The following KSR1 variants were observed in gnomAD, a reference collection of about 807,000 sequenced individuals.
KSR1 encodes the protein kinase suppressor of ras.
Under a neutral mutation model 92.9 loss-of-function variants are expected in KSR1, and 35 were observed. That is an observed-to-expected ratio of 0.38 (90% CI 0.29 to 0.50). The LOEUF (loss-of-function observed/expected upper bound fraction) is 0.50. Among genes scored for constraint, KSR1 ranks in the 20% least tolerant of loss-of-function variants. KSR1 has a pLI of 0.94. For missense variants in KSR1, 972 were observed against 1,158.5 expected, an observed-to-expected ratio of 0.84 and a Z score of 2.34; for synonymous variants, 467 against 472.6, an observed-to-expected ratio of 0.99 and a Z score of 0.15.
intron 1 of KSR1, among the ~76,000 whole-genome samples, chr17:27,525,617 G>C (rs1390155490): frequency 6.6e-6 from 1 of 152,196 alleles, no homozygotes. Context: ...AGAGGATACA[G>C]CTCTCCACCC....
At chr17:27,497,554 G>A (rs145751544) in intron 1 of KSR1, among the ~76,000 whole-genome samples, 47 of 152,314 alleles carry the variant, frequency 3.1e-4, no homozygotes, top group African/African-American at 1.1e-3. Context: ...CAGGCCGCAG[G>A]ATCCCGGCCT....
chr17:27,478,391 G>A (rs892215621), intron 1 of KSR1, among the ~76,000 whole-genome samples: 8 of 152,170 alleles, frequency 5.3e-5, no homozygotes, highest in African/African-American at 1.9e-4. Context: ...GAGGAATGGG[G>A]ACATACGAAT....
chr17:27,614,492 C>T (rs559381885), intron 18 of KSR1, among the ~76,000 whole-genome samples: 1 of 152,326 alleles, frequency 6.6e-6, no homozygotes, highest in East Asian at 1.9e-4. Flanking sequence ...GAGGCAAAGG[C>T]TGGAGCAGAG....
chr17:27,607,941 G>C lies in KSR1; in HGVS notation c.2022G>C (p.Ser674=). 1 of 1,610,050 alleles carries C rather than the reference G, an allele frequency of 6.2e-7. No homozygotes were observed. The highest frequency in any genetic ancestry group is 8.5e-7 in the Non-Finnish European group (1 of 1,178,258). ...TSFCKGRTLH[S]FVRDPKTSLD... ...TCTGCAAGGGGCGGACGTTGCACTC[G>C]TTTGTGAGGGACCCCAAGACGTCTC... is the stretch of plus-strand genomic sequence containing the variant. The change falls in exon 15 of 21, where the codon TCG becomes TCC. Residue 674 remains serine, a synonymous_variant. Coordinates refer to ENST00000644974, the MANE Select transcript of KSR1 (RefSeq NM_001394583.1).
chr17:27,525,991 A>ACTTTTTTCTTTTCTTTT (rs2070246030), intron 1 of KSR1, among the ~76,000 whole-genome samples: 1 of 71,180 alleles, frequency 1.4e-5, no homozygotes, highest in Non-Finnish European at 2.5e-5. Context: ...ACTGCAACTA[A>ACTTTTTTCTTTTCTTTT]CTTTTCTTTT....
intron 1 of KSR1, among the ~76,000 whole-genome samples, chr17:27,485,834 A>C (rs1327789866): frequency 1.3e-5 from 2 of 152,054 alleles, no homozygotes; most frequent in African/African-American, 4.8e-5. Flanking sequence ...TAACCCCAAA[A>C]CCTTGATTTC....
chr17:27,531,779 C>A (rs1328152030), intron 1 of KSR1, among the ~76,000 whole-genome samples: 1 of 152,224 alleles, frequency 6.6e-6, no homozygotes, highest in Non-Finnish European at 1.5e-5. Context: ...TCACCTCCCA[C>A]CCTGGACAGT....
chr17:27,575,871 G>A (rs1320003666), intron 2 of KSR1, among the ~76,000 whole-genome samples: 1 of 152,170 alleles, frequency 6.6e-6, no homozygotes, highest in Non-Finnish European at 1.5e-5. Flanking sequence ...CTAGGTGGAG[G>A]AATCCACTCA....
chr17:27,456,905 A>C (rs2019196121), intron 1 of KSR1, 31 bp downstream of exon 1: 2 of 790,204 alleles, frequency 2.5e-6, no homozygotes, highest in African/African-American at 1.7e-5. Flanking sequence ...GCTGGGCTCG[A>C]GGAGCGGGCC....
chr17:27,569,927 T>A (rs1181866818), intron 2 of KSR1, among the ~76,000 whole-genome samples: 2 of 152,218 alleles, frequency 1.3e-5, no homozygotes, highest in African/African-American at 2.4e-5. Context: ...CAGGACAAGC[T>A]TTCCAGGAGG....
chr17:27,516,681 CCTGTA>C (rs2069811902), intron 1 of KSR1, among the ~76,000 whole-genome samples: 1 of 152,148 alleles, frequency 6.6e-6, no homozygotes, highest in Non-Finnish European at 1.5e-5. Flanking sequence ...CTGAGATCAT[CCTGTA>C]CTTTTTGCTC....
intron 16 of KSR1, 98 bp from the exon 17 acceptor site, chr17:27,609,969 T>C: frequency 6.7e-7 from 1 of 1,488,578 alleles, no homozygotes; most frequent in Non-Finnish European, 9.1e-7. Flanking sequence ...AAGCTGTGTG[T>C]GGGTGTTCTG....
intron 2 of KSR1, chr17:27,560,538 T>C (rs2071787369): frequency 1.9e-6 from 1 of 515,942 alleles, no homozygotes. Context: ...GTGTTTAAGA[T>C]GAGGCCTTCT....
intron 1 of KSR1, among the ~76,000 whole-genome samples, chr17:27,467,936 C>T (rs1567738058): frequency 2.6e-5 from 4 of 151,810 alleles, no homozygotes; most frequent in African/African-American, 4.8e-5. Context: ...CACAGCCTCC[C>T]GAGTAGCTGG....
intron 2 of KSR1, among the ~76,000 whole-genome samples, chr17:27,551,379 A>G (rs1458090393): frequency 6.6e-6 from 1 of 152,168 alleles, no homozygotes; most frequent in African/African-American, 2.4e-5. Flanking sequence ...CTTGGCAGGC[A>G]TGGTTCACCC....
chr17:27,611,489 T>G lies in KSR1; in HGVS notation c.2358-5T>G. On this transcript the variant is annotated splice_region_variant and splice_polypyrimidine_tract_variant and intron_variant, in intron 17 of 20. Coordinates refer to ENST00000644974, the MANE Select transcript of KSR1 (RefSeq NM_001394583.1). ...GAGCTCACAGACATGGCTGGGTCTC[T>G]GCAGGACTGTTTGGTATGAGCTGCA... 6.2e-7 allele frequency: 1 copy of G among 1,613,828 alleles called. No homozygotes were observed. The highest frequency in any genetic ancestry group is 8.5e-7 in the Non-Finnish European group (1 of 1,179,754).
At chr17:27,619,851 T>C (rs553418609) in intron 19 of KSR1, among the ~76,000 whole-genome samples, 1 of 152,298 alleles carries the variant, frequency 6.6e-6, no homozygotes, top group Admixed American at 6.5e-5. Context: ...TTGCAGGGAT[T>C]ATAGGTGCCT....
At chr17:27,548,990 G>GCTC (rs1403814149) in intron 1 of KSR1, among the ~76,000 whole-genome samples, 2 of 152,136 alleles carry the variant, frequency 1.3e-5, no homozygotes, top group African/African-American at 4.8e-5. Flanking sequence ...AATCCAAAAT[G>GCTC]CTCCAGTGAG....
At chr17:27,605,290 C>G in intron 13 of KSR1, 144 bp from the exon 14 acceptor site, 2 of 1,027,888 alleles carry the variant, frequency 1.9e-6, no homozygotes, top group Non-Finnish European at 2.8e-6. Context: ...GCACAGCAGG[C>G]CAGTGCAGAG....
Sources: allele counts gnomAD v4.1 joint callset (sites outside exome capture counted in the v4.1 genomes callset), GRCh38; gene constraint gnomAD v4.1.1; transcripts MANE v1.5; gene names NCBI Gene and HGNC (gene_info 2026-07-23, HGNC 2026-07-21).